The following WDR7 variants were observed in gnomAD, a reference collection of about 807,000 sequenced individuals.
The protein encoded by WDR7 is WD repeat domain 7, also known as WD repeat-containing protein 7.
In WDR7, 46 loss-of-function variants were observed where a neutral mutation model predicts 169.4. The ratio of observed to expected loss-of-function variants is 0.27; its 90% confidence interval spans 0.21 to 0.35. WDR7 has a LOEUF of 0.35. WDR7 is among the 10% of genes least tolerant of loss of function. The probability of loss-of-function intolerance (pLI) is 1.00; values close to 1 mark genes in which losing one functional copy is unlikely to be tolerated. For missense variants in WDR7, 1,534 were observed against 1,859.3 expected (o/e 0.83, Z 3.22); for synonymous variants, 612 against 666.8 (o/e 0.92, Z 1.27).
At chr18:56,958,288 A>T (rs2047285463) in intron 25 of WDR7, among the ~76,000 whole-genome samples, 1 of 152,156 alleles carries the variant, frequency 6.6e-6, no homozygotes, top group African/African-American at 2.4e-5. Context: ...ATCTCGGAAG[A>T]ACTGGATTGT....
At chr18:56,754,837 A>T (rs533417091) in intron 14 of WDR7, among the ~76,000 whole-genome samples, 2 of 152,346 alleles carry the variant, frequency 1.3e-5, no homozygotes, top group Admixed American at 6.5e-5. Context: ...TATTGGATCA[A>T]ACAATATCAA....
At chr18:56,836,000 A>G (rs2045389744) in intron 20 of WDR7, among the ~76,000 whole-genome samples, 1 of 152,202 alleles carries the variant, frequency 6.6e-6, no homozygotes, top group Admixed American at 6.5e-5. Context: ...TTTGAATATG[A>G]GATGCTTTCT....
chr18:56,691,871 C>A, intron 9 of WDR7, 54 bp downstream of exon 9: 1 of 1,393,600 alleles, frequency 7.2e-7, no homozygotes, highest in Non-Finnish European at 1.0e-6. Context: ...AAAACTTCTA[C>A]AACTGTATTT....
intron 26 of WDR7, 78 bp from the exon 27 acceptor site, chr18:57,020,667 C>T (rs765010147): frequency 4.4e-5 from 58 of 1,313,760 alleles, no homozygotes; most frequent in Non-Finnish European, 6.0e-5. Flanking sequence ...ACTTGTTCAA[C>T]ATTGAATGCA....
intron 20 of WDR7, among the ~76,000 whole-genome samples, chr18:56,821,275 T>C (rs1301407403): frequency 6.6e-6 from 1 of 152,168 alleles, no homozygotes; most frequent in Non-Finnish European, 1.5e-5. Context: ...AAAAGTAATA[T>C]CACTTGACAA....
chr18:56,954,894 CTTACCTTTTCTTAAACTTCGTTA>C (rs2047231317), intron 25 of WDR7, among the ~76,000 whole-genome samples: 1 of 152,098 alleles, frequency 6.6e-6, no homozygotes, highest in Non-Finnish European at 1.5e-5. Flanking sequence ...TCAGAGATAG[CTTACCTTTTCTTAAACTTCGTTA>C]TTATGTAGAC....
intron 20 of WDR7, among the ~76,000 whole-genome samples, chr18:56,827,766 T>C (rs1349832124): frequency 6.6e-6 from 1 of 152,140 alleles, no homozygotes; most frequent in Non-Finnish European, 1.5e-5. Context: ...CCATTTCCCA[T>C]GATGTGATTA....
In WDR7 at chr18:56,849,615, T is replaced by G. The variant is rs538642065; in HGVS notation, c.3305-30329T>G. On this transcript the variant is annotated intron_variant, in intron 20 of 27. Transcript: ENST00000254442. ...CCATCCTAGTTGACATCACTTTGAT[T>G]TGTAGTCTCTGATGTTCTTGTGGCT... Among the ~76,000 whole-genome samples, 34 of 152,206 alleles carry G rather than the reference T, an allele frequency of 2.2e-4. 1 individual carries two copies. The highest frequency in any genetic ancestry group is 1.3e-4 in the Non-Finnish European group (9 of 68,032).
At chr18:56,682,916 A>G in intron 5 of WDR7, 63 bp downstream of exon 5, 1 of 1,481,410 alleles carries the variant, frequency 6.8e-7, no homozygotes, top group South Asian at 1.3e-5. Flanking sequence ...TTACTAGAAC[A>G]TTCTACAATT....
intron 26 of WDR7, among the ~76,000 whole-genome samples, chr18:56,975,671 C>T (rs531071252): frequency 9.9e-5 from 15 of 152,080 alleles, no homozygotes; most frequent in African/African-American, 2.9e-4. Flanking sequence ...TTAATTCTAC[C>T]GTCTGTAAAA....
intron 21 of WDR7, among the ~76,000 whole-genome samples, chr18:56,900,891 A>G (rs927037419): frequency 4.6e-5 from 7 of 152,180 alleles, no homozygotes; most frequent in Non-Finnish European, 1.0e-4. Flanking sequence ...ACCTCTATCA[A>G]TGAAGCTTAA....
intron 24 of WDR7, 121 bp from the exon 25 acceptor site, chr18:56,939,190 T>A: frequency 6.4e-6 from 4 of 620,418 alleles, no homozygotes; most frequent in South Asian, 3.6e-5. Context: ...TGTTTTTATT[T>A]TAAATACTAA....
At chr18:56,721,212 G>T (rs2026313485) in intron 13 of WDR7, among the ~76,000 whole-genome samples, 1 of 152,066 alleles carries the variant, frequency 6.6e-6, no homozygotes, top group Middle Eastern at 3.2e-3. Flanking sequence ...TGCATATTGG[G>T]CAATTTTCTA....
intron 16 of WDR7, among the ~76,000 whole-genome samples, chr18:56,765,652 A>G (rs1355450857): frequency 2.6e-5 from 4 of 152,160 alleles, no homozygotes; most frequent in Admixed American, 2.6e-4. Flanking sequence ...AGACTGAAAT[A>G]AGAAAAAATA....
intron 21 of WDR7, among the ~76,000 whole-genome samples, chr18:56,892,460 T>C (rs775678615): frequency 2.6e-5 from 4 of 152,148 alleles, no homozygotes; most frequent in Non-Finnish European, 5.9e-5. Flanking sequence ...ATGTTGAATA[T>C]AATTGTACTA....
chr18:56,673,200 C>G (rs569259338), intron 2 of WDR7, among the ~76,000 whole-genome samples: 2 of 151,456 alleles, frequency 1.3e-5, no homozygotes, highest in Non-Finnish European at 2.9e-5. Context: ...CACACTGATA[C>G]GTCTAATTCC....
At chr18:56,713,222 TATTTACA>T (rs2026121418) in intron 12 of WDR7, among the ~76,000 whole-genome samples, 1 of 152,234 alleles carries the variant, frequency 6.6e-6, no homozygotes. Flanking sequence ...ATGAAATTTG[TATTTACA>T]TCCACTGTCA....
intron 20 of WDR7, among the ~76,000 whole-genome samples, chr18:56,816,865 AT>A (rs1568212064): frequency 1.3e-5 from 2 of 152,202 alleles, no homozygotes; most frequent in African/African-American, 4.8e-5. Flanking sequence ...GGTGGTTAAA[AT>A]TTAAAATTTG....
intron 25 of WDR7, among the ~76,000 whole-genome samples, chr18:56,955,932 A>G (rs371177318): frequency 1.3e-5 from 2 of 152,152 alleles, no homozygotes; most frequent in Admixed American, 6.5e-5. Flanking sequence ...TTGTACCTCA[A>G]ACCCTAGATG....
Sources: gnomAD v4.1 joint callset for allele counts (sites outside exome capture counted in the v4.1 genomes callset) on GRCh38, gnomAD v4.1.1 for gene constraint, MANE v1.5 for transcripts, NCBI Gene and HGNC (gene_info 2026-07-23, HGNC 2026-07-21) for gene names.